The following SIRT2 variants were observed in gnomAD, a reference collection of about 807,000 sequenced individuals.
SIRT2 encodes the protein NAD-dependent protein deacetylase sirtuin-2.
Under a neutral mutation model 57.4 loss-of-function variants are expected in SIRT2, and 40 were observed. The ratio of observed to expected loss-of-function variants is 0.70; its 90% CI spans 0.54 to 0.91. The LOEUF is 0.91. SIRT2 is among the 40% of genes least tolerant of loss of function. The probability of loss-of-function intolerance (pLI) is 0.00; values close to 1 mark genes in which losing one functional copy is unlikely to be tolerated. For missense variants in SIRT2, 439 were observed against 510.4 expected, an observed-to-expected ratio of 0.86 and a Z score of 1.35; for synonymous variants, 161 against 195.7, an observed-to-expected ratio of 0.82 and a Z score of 1.48.
chr19:38,897,093 A>G (rs1973740422), intron 2 of SIRT2, among the ~76,000 whole-genome samples: 1 of 152,204 alleles, frequency 6.6e-6, no homozygotes. Flanking sequence ...AAGTGACTTA[A>G]CAACTCTGCC....
chr19:38,894,805 G>A (rs567190533), intron 2 of SIRT2: 5 of 456,140 alleles, frequency 1.1e-5, no homozygotes, highest in East Asian at 7.0e-5. Flanking sequence ...GGGCCTCTCT[G>A]CTTTCTCTTT....
intron 8 of SIRT2, 111 bp from the exon 9 acceptor site, chr19:38,883,867 G>T: frequency 8.6e-7 from 1 of 1,168,886 alleles, no homozygotes; most frequent in Non-Finnish European, 1.2e-6. Context: ...GTGGGGACAG[G>T]TGGAGAAGGG....
chr19:38,896,097 A>G (rs1388712814), intron 2 of SIRT2, among the ~76,000 whole-genome samples: 1 of 152,008 alleles, frequency 6.6e-6, no homozygotes, highest in Non-Finnish European at 1.5e-5. Flanking sequence ...AGAAAGAGAG[A>G]GTGAGAATGA....
chr19:38,893,377 G>A (rs1973605679), intron 4 of SIRT2, 37 bp downstream of exon 4: 1 of 1,321,122 alleles, frequency 7.6e-7, no homozygotes. Context: ...GGGGCCAGGA[G>A]CCAGGCAAAG....
At chr19:38,883,247 A>AT (rs74891421) in intron 9 of SIRT2, among the ~76,000 whole-genome samples, 8,702 of 144,684 alleles carry the variant, frequency 0.06, 756 homozygotes, top group African/African-American at 0.19. Flanking sequence ...CACCAGGCTA[A>AT]TTTTTTTTTT....
At position 38,880,348 on chromosome 19, in the gene SIRT2, C is replaced by G. The variant is rs1263031440; in HGVS notation, c.876+337G>C. The G allele has an allele frequency of 3.4e-6, 1 of 290,344 alleles. No homozygotes were observed. The highest frequency in any genetic ancestry group is 6.4e-6 in the Non-Finnish European group (1 of 156,910). 18.0% of individuals were successfully genotyped at this position (290,344 alleles called of 1,614,324 possible). The stretch of plus-strand genomic sequence containing the variant: ...AGCACCTGCCCTAGAGTGAGGCTGC[C>G]CAGGAAAAACAGACCTGAGAGACCC... On this transcript the variant is annotated intron_variant, in intron 13 of 15. Coordinates refer to ENST00000249396, the MANE Select transcript of SIRT2 (RefSeq NM_012237.4). The surrounding 1 kb of genome is among the most constrained non-coding windows in gnomAD (Gnocchi z 4.1).
rs1973044801 is a variant in SIRT2 at position 38,879,271 on chromosome 19, T to C, written c.1054A>G (p.Ile352Val). The C allele has an allele frequency of 6.2e-7, 1 of 1,611,754 alleles. No homozygotes were observed. The highest frequency in any genetic ancestry group is 1.7e-5 in the Admixed American group (1 of 59,142). The change falls in exon 16 of 16, where the codon ATA becomes GTA. Residue 352 changes from isoleucine (I) to valine (V), a missense_variant. Ile to Val is a conservative substitution (Grantham distance 29). Transcript: ENST00000249396. Reference sequence around the variant, plus strand: ...ACCCCCGCCCCCGACTGGGCATCTATGCTGGCGTGCTCCCTCCGGACAAGG... The same window carrying C: ...ACCCCCGCCCCCGACTGGGCATCTACGCTGGCGTGCTCCCTCCGGACAAGG... Reference protein sequence around the residue: ...EDLVRREHASIDAQSGAGVPN... With the variant: ...EDLVRREHASVDAQSGAGVPN...
chr19:38,893,323 G>C (rs989171218), intron 4 of SIRT2, 91 bp downstream of exon 4: 10 of 803,014 alleles, frequency 1.2e-5, no homozygotes, highest in Non-Finnish European at 2.1e-5. Context: ...ATAAAGAAAA[G>C]GTTTCAATAA....
chr19:38,891,318 G>A (rs1193867055), intron 4 of SIRT2, among the ~76,000 whole-genome samples: 1 of 152,156 alleles, frequency 6.6e-6, no homozygotes, highest in Non-Finnish European at 1.5e-5. Flanking sequence ...GGAGGCCGAG[G>A]GGGGCAGATC....
At chr19:38,879,842 T>C in intron 13 of SIRT2, 140 bp from the exon 14 acceptor site, 1 of 648,214 alleles carries the variant, frequency 1.5e-6, no homozygotes, top group Non-Finnish European at 2.7e-6. Flanking sequence ...TGGTTTTTTT[T>C]GAGACAAAGT....
In SIRT2 at chr19:38,894,947, TCTCA is replaced by T. The variant is rs530473901; in HGVS notation, c.64-1084_64-1081del. ...ACCTTGCCCTAGGTGCCCCCCAGCC[TCTCA>T]CTCCTACTATGTCCCAAATGGACCC... On this transcript the variant is annotated intron_variant, in intron 2 of 15. Transcript: ENST00000249396. 1.4e-4 allele frequency: 64 copies of T among 455,580 alleles called. No individual in the cohort carries two copies. The East Asian group carries it at 3.7e-3, about 26-fold the overall frequency. The allele number at this position is 455,580 out of a possible 1,614,324, so 28.2% of individuals were successfully genotyped here. A position where few individuals can be genotyped will look rare whatever the true frequency, so the allele number is the denominator to read the frequency against.
chr19:38,893,664 C>T lies in SIRT2; in HGVS notation c.113-137G>A. 3 of 1,203,422 alleles carry T rather than the reference C, an allele frequency of 2.5e-6. 1 individual carries two copies. In the South Asian group the frequency reaches 4.1e-5, roughly 17 times the overall value. The allele number at this position is 1,203,422 out of a possible 1,614,324, so 74.5% of individuals were successfully genotyped here. A position where few individuals can be genotyped will look rare whatever the true frequency, so the allele number is the denominator to read the frequency against. On this transcript the variant is annotated intron_variant, in intron 3 of 15. Coordinates refer to ENST00000249396, the MANE Select transcript of SIRT2 (RefSeq NM_012237.4). The stretch of plus-strand genomic sequence containing the variant: ...CACAAGGCCCGGCCCAGCCAGCGGC[C>T]TCCAGGAGCCTGCTCTGGCACTGGT...
At chr19:38,895,795 G>A (rs1383411638) in intron 2 of SIRT2, among the ~76,000 whole-genome samples, 1 of 152,156 alleles carries the variant, frequency 6.6e-6, no homozygotes, top group Non-Finnish European at 1.5e-5. Flanking sequence ...GAGAAAGGCT[G>A]AGCACGGTGG....
intron 8 of SIRT2, among the ~76,000 whole-genome samples, 184 bp from the exon 9 acceptor site, chr19:38,883,940 C>T (rs898638185): frequency 5.9e-5 from 9 of 152,100 alleles, no homozygotes; most frequent in African/African-American, 2.2e-4. Flanking sequence ...AATGGTGCCA[C>T]TTAAAGGGTG....
rs199673297 is a variant in SIRT2 at position 38,879,613 on chromosome 19, A to G, written c.947+19T>C. 1.3e-6 allele frequency: 2 copies of G among 1,561,980 alleles called. No homozygotes were observed. The highest frequency in any genetic ancestry group is 1.9e-5 in the Admixed American group (1 of 52,476). On this transcript the variant is annotated intron_variant, in intron 14 of 15. Transcript: ENST00000249396. Reference sequence around the variant, plus strand: ...ACCCTGTCCCTTCCAGGCTGCCCCAACCCCCGGCGGGGCCTCACCTGTAGG... The same window carrying G: ...ACCCTGTCCCTTCCAGGCTGCCCCAGCCCCCGGCGGGGCCTCACCTGTAGG...
rs1973233840 is a variant in SIRT2, at chr19:38,883,747, T to C, written c.511A>G (p.Thr171Ala). Residue 171 changes from threonine (T) to alanine (A), a missense_variant, in exon 9 of 16, where the codon ACC becomes GCC. Transcript: ENST00000249396. ...LLRCYTQNID[T>A]LERIAGLEQE... is the part of the protein sequence containing the mutation. ...TCCAGCCCGGCTATTCGCTCCAGGGTATCTATGTTCTAGAGGGAGAGATGG... is the reference window on the plus strand; with the variant it reads ...TCCAGCCCGGCTATTCGCTCCAGGGCATCTATGTTCTAGAGGGAGAGATGG... 1 of 1,613,892 alleles carries C rather than the reference T, an allele frequency of 6.2e-7. No homozygotes were observed. Among genetic ancestry groups the C allele is most frequent in the Non-Finnish European group, 8.5e-7 (1 of 1,179,888 alleles).
At chr19:38,893,617 C>T (rs765146193) in intron 3 of SIRT2, 90 bp from the exon 4 acceptor site, 1 of 1,200,088 alleles carries the variant, frequency 8.3e-7, no homozygotes, top group Non-Finnish European at 1.2e-6. Context: ...CCTGGGGTTC[C>T]CGGCCTCCCC....
rs1600119545 is a variant in SIRT2, at chr19:38,889,727, A to C, written c.394T>G (p.Phe132Val). The change falls in exon 7 of 16, where the codon TTC becomes GTC. Residue 132 changes from phenylalanine (F) to valine (V), a missense_variant. Physicochemically the swap from Phe to Val is conservative, Grantham distance 50. Transcript: ENST00000249396. ...GGATAGAGTTCCTTGGCGAGGGCGAAGAAGGGTTCCGGATGTTTCTGTAGG... is the reference window on the plus strand; with the variant it reads ...GGATAGAGTTCCTTGGCGAGGGCGACGAAGGGTTCCGGATGTTTCTGTAGG... ...SYFKKHPEPF[F>V]ALAKELYPGQ... 1 of 1,614,126 alleles carries C rather than the reference A, an allele frequency of 6.2e-7. No individual in the cohort carries two copies. The highest frequency in any genetic ancestry group is 2.2e-5 in the East Asian group (1 of 44,876).
chr19:38,893,918 G>A (rs558087757), intron 2 of SIRT2, 51 bp from the exon 3 acceptor site: 1 of 1,611,250 alleles, frequency 6.2e-7, no homozygotes, highest in South Asian at 1.1e-5. Context: ...GATTAGGGAG[G>A]GAGGAGAGGG....
Sources: allele counts gnomAD v4.1 joint callset (sites outside exome capture counted in the v4.1 genomes callset), GRCh38; gene constraint gnomAD v4.1.1; non-coding constraint Gnocchi (gnomAD v3.1); transcripts MANE v1.5; gene names NCBI Gene and HGNC (gene_info 2026-07-23, HGNC 2026-07-21).